Variants in NOC3L observed in about 807,000 individuals in gnomAD.
NOC3L encodes the protein NOC3 like DNA replication regulator, also known as nucleolar complex protein 3 homolog.
NOC3L carries 85 observed loss-of-function variants against 102.5 expected under a neutral mutation model. The ratio of observed to expected loss-of-function variants is 0.83; its 90% CI spans 0.70 to 0.99. The LOEUF (loss-of-function observed/expected upper bound fraction) is 0.99. Among genes scored for constraint, NOC3L ranks in the 50% least tolerant of loss-of-function variants. NOC3L has a pLI of 0.00. For synonymous variants in NOC3L, 303 were observed against 309.4 expected (o/e 0.98, Z 0.22); for missense variants, 878 against 914.9 (o/e 0.96, Z 0.52).
At chr10:94,319,922 T>G in the NOC3L span, among the ~76,000 whole-genome samples, 6 of 135,248 alleles carry the variant, frequency 4.4e-5, no homozygotes, top group Admixed American at 2.7e-4. Context: ...CAGGCTGGAG[T>G]GCAGTGGCGC....
At chr10:94,342,813 G>A (rs1371584516) in intron 13 of NOC3L, among the ~76,000 whole-genome samples, 12 of 151,982 alleles carry the variant, frequency 7.9e-5, no homozygotes, top group Non-Finnish European at 1.2e-4. Flanking sequence ...GGCCCGGTGC[G>A]ATGGCTCATG....
At chr10:94,353,511 C>T (rs1388251603) in intron 6 of NOC3L, among the ~76,000 whole-genome samples, 4 of 152,122 alleles carry the variant, frequency 2.6e-5, no homozygotes, top group Non-Finnish European at 5.9e-5. Flanking sequence ...TCACTTGTTA[C>T]CACAAGGATG....
At chr10:94,327,129 T>G in the NOC3L span, among the ~76,000 whole-genome samples, 1 of 151,956 alleles carries the variant, frequency 6.6e-6, no homozygotes, top group East Asian at 1.9e-4. Flanking sequence ...GCCACTGCAC[T>G]CCAGCCTAGC....
chr10:94,350,046 C>T (rs1051176075), intron 9 of NOC3L, 67 bp downstream of exon 9: 2 of 1,496,716 alleles, frequency 1.3e-6, no homozygotes, highest in Non-Finnish European at 1.8e-6. Flanking sequence ...GTGTGAGCCA[C>T]CGTGCCTGGC....
chr10:94,315,080 G>T, the NOC3L span: 3 of 232,838 alleles, frequency 1.3e-5, no homozygotes, highest in Admixed American at 5.2e-5. Context: ...TGAGCAGGGG[G>T]TGATGCTGGC....
chr10:94,346,529 T>C lies in NOC3L; in HGVS notation c.1285A>G (p.Ile429Val), dbSNP rs773770602. 7.0e-7 allele frequency: 1 copy of C among 1,425,248 alleles called. No individual in the cohort carries two copies. Among genetic ancestry groups the C allele is most frequent in the South Asian group, 1.4e-5 (1 of 72,174 alleles). The allele number at this position is 1,425,248 out of a possible 1,614,324, so 88.3% of individuals were successfully genotyped here. ...TCTTTTTTCACTTCTACTTCCTTGA[T>C]TCTTAGGCATAAAAATGTTTTTAAC... ...EMLKTFLCLR[I>V]KEVEVKKDTE... Residue 429 changes from isoleucine (I) to valine (V), a missense_variant, in exon 11 of 21, where the codon ATC (isoleucine) becomes GTC (valine). Transcript: ENST00000371361.
intron 6 of NOC3L, among the ~76,000 whole-genome samples, chr10:94,354,023 G>C (rs1001485725): frequency 1.1e-4 from 16 of 152,020 alleles, no homozygotes; most frequent in Admixed American, 2.0e-4. Context: ...GTTTTTTAAG[G>C]CTCAATTTTC....
In NOC3L at chr10:94,355,107, G is replaced by A; in HGVS notation, c.566-14C>T. On this transcript the variant is annotated splice_polypyrimidine_tract_variant and intron_variant, in intron 5 of 20. Coordinates refer to ENST00000371361, the MANE Select transcript of NOC3L (RefSeq NM_022451.11). ...CTTCAATGATCTCTAAAACAGATTAGATGTTCCCTTACATATTCCTCTGCT... is the reference window on the plus strand; with the variant it reads ...CTTCAATGATCTCTAAAACAGATTAAATGTTCCCTTACATATTCCTCTGCT... The A allele has an allele frequency of 6.2e-7, 1 of 1,601,560 alleles. No homozygotes were observed. The highest frequency in any genetic ancestry group is 8.5e-7 in the Non-Finnish European group (1 of 1,172,924).
chr10:94,362,863 C>A lies in NOC3L; in HGVS notation c.-25G>T, dbSNP rs753897332. ...TCCTTAGGCCTTAAATGAATGCCGG[C>A]CAGACAAGTTCACCAGAAGCAGGGT... On this transcript the variant is annotated 5_prime_UTR_variant, in exon 1 of 21. Coordinates refer to ENST00000371361, the MANE Select transcript of NOC3L (RefSeq NM_022451.11). 9.3e-6 allele frequency: 15 copies of A among 1,613,976 alleles called. No individual in the cohort carries two copies. Among genetic ancestry groups the A allele is most frequent in the Non-Finnish European group, 1.3e-5 (15 of 1,180,026 alleles).
chr10:94,316,416 A>G, the NOC3L span: 4 of 668,706 alleles, frequency 6.0e-6, no homozygotes, highest in African/African-American at 1.8e-5. Flanking sequence ...AGATCTTCCA[A>G]AAAGAATTAT....
At chr10:94,341,446 G>C (rs1263639987) in intron 14 of NOC3L, among the ~76,000 whole-genome samples, 1 of 142,158 alleles carries the variant, frequency 7.0e-6, no homozygotes, top group Non-Finnish European at 1.5e-5. Flanking sequence ...AAAAAAAAAA[G>C]AAAACAGGTC....
chr10:94,334,567 G>T, intron 20 of NOC3L, 67 bp downstream of exon 20: 1 of 1,128,198 alleles, frequency 8.9e-7, no homozygotes, highest in Non-Finnish European at 1.3e-6. Flanking sequence ...AAGCAAACTG[G>T]AGTTAGAGTT....
chr10:94,354,122 C>G (rs2054454661), intron 6 of NOC3L, among the ~76,000 whole-genome samples: 1 of 152,126 alleles, frequency 6.6e-6, no homozygotes, highest in Non-Finnish European at 1.5e-5. Flanking sequence ...TCTCTCTTCC[C>G]TAATTCTGCT....
At chr10:94,318,768 A>G in the NOC3L span, among the ~76,000 whole-genome samples, 1 of 152,176 alleles carries the variant, frequency 6.6e-6, no homozygotes, top group Non-Finnish European at 1.5e-5. Flanking sequence ...ATTTAAATGT[A>G]TACCACAACA....
At chr10:94,360,044 G>A (rs576308102) in intron 2 of NOC3L, among the ~76,000 whole-genome samples, 8 of 152,254 alleles carry the variant, frequency 5.3e-5, no homozygotes, top group South Asian at 2.1e-4. Flanking sequence ...GGGGCCAGGC[G>A]CGGTGGCTCA....
the NOC3L span, among the ~76,000 whole-genome samples, chr10:94,319,798 T>A: frequency 6.6e-6 from 1 of 151,928 alleles, no homozygotes; most frequent in East Asian, 1.9e-4. Context: ...GTTCATAACC[T>A]GTGGCTTCGA....
chr10:94,317,277 GTT>G, the NOC3L span, among the ~76,000 whole-genome samples: 1 of 151,992 alleles, frequency 6.6e-6, no homozygotes, highest in Non-Finnish European at 1.5e-5. Context: ...AAGGAAATAT[GTT>G]TTCTCACACA....
intron 4 of NOC3L, 124 bp from the exon 5 acceptor site, chr10:94,356,715 A>C (rs570756248): frequency 1.5e-6 from 1 of 657,642 alleles, no homozygotes; most frequent in South Asian, 1.9e-5. Flanking sequence ...GAAGAGCACA[A>C]TTAGTGATTG....
At chr10:94,318,111 C>T in the NOC3L span, among the ~76,000 whole-genome samples, 1 of 152,192 alleles carries the variant, frequency 6.6e-6, no homozygotes, top group Non-Finnish European at 1.5e-5. Flanking sequence ...GAGCCACTGC[C>T]TTCTTTCCCT....
Sources: allele counts gnomAD v4.1 joint callset (sites outside exome capture counted in the v4.1 genomes callset), GRCh38; gene constraint gnomAD v4.1.1; transcripts MANE v1.5; gene names NCBI Gene and HGNC (gene_info 2026-07-23, HGNC 2026-07-21).